Variants in RNF24 observed in about 807,000 individuals in gnomAD.
RNF24 encodes the protein ring finger protein 24.
Under a neutral mutation model 20.0 loss-of-function variants are expected in RNF24, and 14 were observed. That is an observed-to-expected ratio of 0.70 (90% confidence interval 0.46 to 1.10). The LOEUF is 1.10. Among genes scored for constraint, RNF24 ranks in the 50% least tolerant of loss-of-function variants. RNF24 has a pLI of 0.00. For missense variants in RNF24, 124 were observed against 177.6 expected, an observed-to-expected ratio of 0.70 and a Z score of 1.71; for synonymous variants, 45 against 61.1, an observed-to-expected ratio of 0.74 and a Z score of 1.23.
intron 1 of RNF24, among the ~76,000 whole-genome samples, chr20:3,986,024 A>T (rs1455927745): frequency 3.9e-5 from 6 of 152,112 alleles, no homozygotes; most frequent in Admixed American, 3.3e-4. Flanking sequence ...AAGTGCTGGG[A>T]TTACAAGCGT....
chr20:3,943,292 C>G (rs2090978832), intron 4 of RNF24, among the ~76,000 whole-genome samples: 1 of 151,618 alleles, frequency 6.6e-6, no homozygotes, highest in South Asian at 2.1e-4. Context: ...AAATCAAAAT[C>G]CCAGCAGGAT....
chr20:3,945,072 A>G, intron 4 of RNF24, 105 bp downstream of exon 4: 1 of 1,420,058 alleles, frequency 7.0e-7, no homozygotes, highest in Non-Finnish European at 9.6e-7. Flanking sequence ...CAATCAAAAT[A>G]AGCCTATTTT....
chr20:3,968,392 C>T (rs546367408), intron 1 of RNF24, among the ~76,000 whole-genome samples: 4 of 152,176 alleles, frequency 2.6e-5, no homozygotes, highest in South Asian at 4.1e-4. Flanking sequence ...GAGGACTGCT[C>T]GAGGCCAGGG....
intron 4 of RNF24, among the ~76,000 whole-genome samples, chr20:3,935,628 C>A (rs1225305482): frequency 6.6e-6 from 1 of 152,250 alleles, no homozygotes; most frequent in African/African-American, 2.4e-5. Flanking sequence ...ACTGAAGACT[C>A]AGTTAACTCA....
chr20:3,998,267 C>T (rs1377084994), intron 1 of RNF24, among the ~76,000 whole-genome samples: 5 of 151,928 alleles, frequency 3.3e-5, no homozygotes, highest in African/African-American at 9.7e-5. Flanking sequence ...GGTGAAACCC[C>T]GTCTCTACTA....
In RNF24 at chr20:3,933,790, GGAGT is replaced by G; in HGVS notation, c.*269_*272del. On this transcript the variant is annotated 3_prime_UTR_variant, in exon 6 of 6. Coordinates refer to ENST00000358395, the MANE Select transcript of RNF24 (RefSeq NM_001134337.3). ...GAGGCTCCAGGAGAGAGAGTGTAAT[GGAGT>G]TAGTAAGAGACCCTCATGAAGTTTC... 3.6e-6 allele frequency: 1 copy of G among 275,848 alleles called. No individual in the cohort carries two copies. The highest frequency in any genetic ancestry group is 6.8e-6 in the Non-Finnish European group (1 of 148,136). The allele number at this position is 275,848 out of a possible 1,614,324, so 17.1% of individuals were successfully genotyped here.
At chr20:3,974,804 A>G (rs1978720660) in intron 1 of RNF24, among the ~76,000 whole-genome samples, 1 of 152,208 alleles carries the variant, frequency 6.6e-6, no homozygotes, top group Admixed American at 6.5e-5. Flanking sequence ...ATGGATTTGA[A>G]GACTCAGCAT....
intron 1 of RNF24, among the ~76,000 whole-genome samples, chr20:3,977,808 G>A (rs764193184): frequency 3.0e-4 from 44 of 148,544 alleles, no homozygotes; most frequent in African/African-American, 1.0e-3. Context: ...AGCTTGCAGC[G>A]AGCAGAGATT....
intron 2 of RNF24, 109 bp downstream of exon 2, chr20:3,963,766 T>A (rs1277495475): frequency 4.7e-6 from 4 of 844,314 alleles, no homozygotes; most frequent in South Asian, 1.9e-5. Context: ...CTTAATTTTT[T>A]AAAAATTTGC....
intron 4 of RNF24, among the ~76,000 whole-genome samples, chr20:3,943,016 A>G (rs1365834291): frequency 6.6e-6 from 1 of 151,180 alleles, no homozygotes; most frequent in African/African-American, 2.4e-5. Flanking sequence ...GAGTTTCACC[A>G]TGTTGGCCAG....
chr20:3,979,499 AC>A (rs1219390137), intron 1 of RNF24, among the ~76,000 whole-genome samples: 4 of 152,112 alleles, frequency 2.6e-5, no homozygotes, highest in African/African-American at 9.7e-5. Context: ...ACATGGTGAA[AC>A]CCCGTCTCTA....
chr20:4,007,118 T>A (rs141867391), intron 1 of RNF24, among the ~76,000 whole-genome samples: 1 of 152,330 alleles, frequency 6.6e-6, no homozygotes, highest in African/African-American at 2.4e-5. Flanking sequence ...CAAGAAACAG[T>A]TTCTACAACT....
intron 3 of RNF24, among the ~76,000 whole-genome samples, chr20:3,945,711 G>A (rs1341256413): frequency 8.6e-6 from 1 of 116,196 alleles, no homozygotes; most frequent in Non-Finnish European, 1.7e-5. Flanking sequence ...GCGAAACTCC[G>A]TCTCAAAAAA....
chr20:3,952,388 TG>T (rs1169588909), intron 2 of RNF24, among the ~76,000 whole-genome samples: 1 of 152,124 alleles, frequency 6.6e-6, no homozygotes, highest in Non-Finnish European at 1.5e-5. Context: ...GCTACCTATA[TG>T]GAAAAAAGTA....
intron 1 of RNF24, among the ~76,000 whole-genome samples, chr20:3,998,740 A>C (rs1242206955): frequency 6.7e-6 from 1 of 150,218 alleles, no homozygotes; most frequent in Non-Finnish European, 1.5e-5. Flanking sequence ...TGGGTGACAG[A>C]GCGAGATTCC....
At chr20:3,962,595 C>A (rs561884897) in intron 2 of RNF24, among the ~76,000 whole-genome samples, 2 of 151,796 alleles carry the variant, frequency 1.3e-5, no homozygotes, top group African/African-American at 4.8e-5. Flanking sequence ...AGTGGCAGTA[C>A]TTTTTTTGGG....
At chr20:4,005,461 C>T (rs1394091252) in intron 1 of RNF24, among the ~76,000 whole-genome samples, 1 of 152,148 alleles carries the variant, frequency 6.6e-6, no homozygotes, top group Non-Finnish European at 1.5e-5. Context: ...ATTTCCAACA[C>T]ATTTCTGAAG....
At chr20:3,939,976 G>T (rs1274373546) in intron 4 of RNF24, among the ~76,000 whole-genome samples, 3 of 148,628 alleles carry the variant, frequency 2.0e-5, no homozygotes, top group Admixed American at 6.7e-5. Context: ...TTTTTTTTTT[G>T]AGGTGGAGTT....
intron 1 of RNF24, among the ~76,000 whole-genome samples, chr20:3,988,523 A>T (rs1435489964): frequency 6.7e-6 from 1 of 150,096 alleles, no homozygotes; most frequent in Non-Finnish European, 1.5e-5. Context: ...GCAGAGGTGC[A>T]ATCACAGATC....
Sources: allele counts gnomAD v4.1 joint callset (sites outside exome capture counted in the v4.1 genomes callset), GRCh38; gene constraint gnomAD v4.1.1; transcripts MANE v1.5; gene names NCBI Gene and HGNC (gene_info 2026-07-23, HGNC 2026-07-21).